Variants in MOK observed in about 807,000 individuals in gnomAD.
MOK encodes the protein MOK protein kinase, also known as MAPK/MAK/MRK overlapping kinase.
In MOK, 59 loss-of-function variants were observed where a neutral mutation model predicts 54.2. The observed-to-expected ratio is 1.09, with a 90% CI of 0.88 to 1.35. MOK has a LOEUF of 1.35. Among genes scored for constraint, MOK ranks in the 40% most tolerant of loss-of-function variants. The pLI is 0.00. For missense variants in MOK, 517 were observed against 526.2 expected (o/e 0.98, Z 0.17); for synonymous variants, 210 against 202.7 (o/e 1.04, Z -0.31).
At chr14:102,269,354 T>C (rs1028216363) in intron 2 of MOK, among the ~76,000 whole-genome samples, 16 of 151,722 alleles carry the variant, frequency 1.1e-4, no homozygotes, top group Non-Finnish European at 2.4e-4. Flanking sequence ...CCCAGGCTAT[T>C]TTTGTATTTT....
chr14:102,232,351 G>A lies in MOK; in HGVS notation c.866+184C>T. The A allele has an allele frequency of 1.8e-6, 1 of 569,892 alleles. No homozygotes were observed. The highest frequency in any genetic ancestry group is 3.4e-5 in the Admixed American group (1 of 29,140). 35.3% of individuals were successfully genotyped at this position (569,892 alleles called of 1,614,324 possible). ...GGAGCTGCTAACATCCTCATTTTGGGGAGGATACACCAGAAGGCAGCACGG... is the reference window on the plus strand; with the variant it reads ...GGAGCTGCTAACATCCTCATTTTGGAGAGGATACACCAGAAGGCAGCACGG... On this transcript the variant is annotated intron_variant, in intron 9 of 11. Coordinates refer to ENST00000361847, the MANE Select transcript of MOK (RefSeq NM_014226.3). This position sits in a 1 kb window ranked among gnomAD's most constrained non-coding sequence, Gnocchi z 5.1.
In MOK at chr14:102,238,640, C is replaced by A. The variant is rs1358129370; in HGVS notation, c.591-4851G>T. Among the ~76,000 whole-genome samples the A allele has an allele frequency of 5.3e-5, 8 of 152,242 alleles. No individual in the cohort carries two copies. The East Asian group carries it at 1.4e-3, about 26-fold the overall frequency. ...CACTGAAAAAGCCTCATTACTATAA[C>A]AAGGAGCCTTCCTCCAGGGGGACTG... is the stretch of plus-strand genomic sequence containing the variant. On this transcript the variant is annotated intron_variant, in intron 7 of 11. Coordinates refer to ENST00000361847, the MANE Select transcript of MOK (RefSeq NM_014226.3). This position sits in a 1 kb window ranked among gnomAD's most constrained non-coding sequence, Gnocchi z 4.8.
chr14:102,301,733 T>G (rs979931633), intron 1 of MOK, among the ~76,000 whole-genome samples: 1 of 152,202 alleles, frequency 6.6e-6, no homozygotes, highest in African/African-American at 2.4e-5. Context: ...GAGTACATTT[T>G]AAGGTAGAAG....
intron 2 of MOK, among the ~76,000 whole-genome samples, chr14:102,277,946 A>G (rs2069037350): frequency 6.6e-6 from 1 of 152,138 alleles, no homozygotes; most frequent in East Asian, 1.9e-4. Context: ...TAAACCCCCA[A>G]TGGGATGATA....
At chr14:102,294,211 C>T (rs2071135873) in intron 1 of MOK, among the ~76,000 whole-genome samples, 1 of 151,080 alleles carries the variant, frequency 6.6e-6, no homozygotes, top group Non-Finnish European at 1.5e-5. Context: ...CTTTGGGAGG[C>T]CAAGGCGGGC....
intron 2 of MOK, among the ~76,000 whole-genome samples, chr14:102,267,274 A>G (rs568754974): frequency 1.3e-5 from 2 of 152,312 alleles, no homozygotes; most frequent in South Asian, 2.1e-4. Flanking sequence ...TTTAAAATCA[A>G]TATGGCTGAG....
At chr14:102,296,328 G>C (rs534955036) in intron 1 of MOK, among the ~76,000 whole-genome samples, 15 of 150,306 alleles carry the variant, frequency 1.0e-4, no homozygotes, top group African/African-American at 3.7e-4. Context: ...CATCCTACAA[G>C]CTACAATACA....
At chr14:102,251,352 G>C (rs1214463343) in intron 6 of MOK, 5 of 389,176 alleles carry the variant, frequency 1.3e-5, no homozygotes, top group African/African-American at 2.1e-5. Flanking sequence ...CAGCCTCAGA[G>C]GACTCTGCTG....
At chr14:102,254,744 C>CT (rs2066794367) in intron 4 of MOK, among the ~76,000 whole-genome samples, 1 of 152,202 alleles carries the variant, frequency 6.6e-6, no homozygotes, top group Non-Finnish European at 1.5e-5. Context: ...GGTGCAGCTA[C>CT]TAGTCTTGGG....
downstream of MOK, among the ~76,000 whole-genome samples, chr14:102,228,455 G>C (rs2064340775): frequency 6.6e-6 from 1 of 152,168 alleles, no homozygotes; most frequent in South Asian, 2.1e-4. Context: ...CCAGCACTTT[G>C]GGAGGCCGAG....
At chr14:102,222,989 G>A (rs374969984), downstream of MOK, 107 of 1,377,444 alleles carry the variant, frequency 7.8e-5, no homozygotes, top group Non-Finnish European at 8.2e-5. The surrounding 1 kb of genome is among the most constrained non-coding windows in gnomAD (Gnocchi z 4.4). Flanking sequence ...GACCTCAGGC[G>A]GTGGACGTCG....
At chr14:102,302,475 G>A (rs2072338924) in intron 1 of MOK, among the ~76,000 whole-genome samples, 1 of 151,554 alleles carries the variant, frequency 6.6e-6, no homozygotes, top group Non-Finnish European at 1.5e-5. Context: ...CAGTACAGTG[G>A]CCCGATCTCA....
At chr14:102,224,707 A>AGTT (rs2064170750), downstream of MOK, 2 of 456,058 alleles carry the variant, frequency 4.4e-6, no homozygotes, top group Non-Finnish European at 8.8e-6. Context: ...AGGAGACATT[A>AGTT]GTTACAGCTT....
Position 102,231,776 on chromosome 14 carries a change from A to C in MOK, c.912T>G (p.Phe304Leu). Residue 304 changes from phenylalanine (F) to leucine (L), a missense_variant, in exon 10 of 12, where the codon TTT becomes TTG. Phe to Leu is a conservative substitution (Grantham distance 22, BLOSUM62 0). Coordinates refer to ENST00000361847, the MANE Select transcript of MOK (RefSeq NM_014226.3). The surrounding 1 kb of genome is among the most constrained non-coding windows in gnomAD (Gnocchi z 4.4). ...RALGSHRKAG[F>L]PEHPVAPEPL... Reference sequence around the variant, plus strand: ...GTTCCGGTGCCACAGGGTGCTCCGGAAAGCCAGCTTTTCTGTGGCTGCCCA... The same window carrying C: ...GTTCCGGTGCCACAGGGTGCTCCGGCAAGCCAGCTTTTCTGTGGCTGCCCA... 1.2e-6 allele frequency: 2 copies of C among 1,612,610 alleles called. No individual in the cohort carries two copies. The highest frequency in any genetic ancestry group is 1.7e-6 in the Non-Finnish European group (2 of 1,179,514).
At chr14:102,303,086 G>A (rs926896292) in intron 1 of MOK, among the ~76,000 whole-genome samples, 6 of 151,656 alleles carry the variant, frequency 4.0e-5, no homozygotes, top group Non-Finnish European at 7.4e-5. Flanking sequence ...ACTTGAACCC[G>A]GGAGGCAGAG....
intron 1 of MOK, among the ~76,000 whole-genome samples, chr14:102,299,645 G>C (rs1436980122): frequency 1.3e-5 from 2 of 152,104 alleles, no homozygotes; most frequent in Non-Finnish European, 2.9e-5. Context: ...GAGAGCAGTG[G>C]TGTGATCCCA....
chr14:102,268,751 T>C lies in MOK; in HGVS notation c.123-2839A>G, dbSNP rs188648170. Among the ~76,000 whole-genome samples, 401 of 151,992 alleles carry C rather than the reference T, an allele frequency of 2.6e-3. 4 individuals carry two copies. Among genetic ancestry groups the C allele is most frequent in the African/African-American group, 9.1e-3 (377 of 41,464 alleles). ...TAACACAGTGAAACCCCGTCTCTAC[T>C]AAAAAATACAAAAAATTAGCCGGGA... is the stretch of plus-strand genomic sequence containing the variant. On this transcript the variant is annotated intron_variant, in intron 2 of 11. Transcript: ENST00000361847.
chr14:102,292,684 T>C (rs2153185846), intron 1 of MOK, among the ~76,000 whole-genome samples: 1 of 151,356 alleles, frequency 6.6e-6, no homozygotes, highest in South Asian at 2.1e-4. Flanking sequence ...CATAAAGCCA[T>C]AAACCTCTTA....
chr14:102,229,646 T>C lies in MOK; in HGVS notation c.993A>G (p.Leu331=). ...TCTTGGGACGGTCCTCCTCTTGCTT[T>C]AGGGACTGTTTCTTGAAACAGAACA... ...SKEGRKQKQS[L]KQEEDRPKRR... The change falls in exon 11 of 12, where the codon CTA becomes CTG. Residue 331 remains leucine (L), a synonymous_variant. Transcript: ENST00000361847. 1 of 1,609,332 alleles carries C rather than the reference T, an allele frequency of 6.2e-7. No homozygotes were observed. Among genetic ancestry groups the C allele is most frequent in the Non-Finnish European group, 8.5e-7 (1 of 1,177,058 alleles).
Sources: allele counts gnomAD v4.1 joint callset (sites outside exome capture counted in the v4.1 genomes callset), GRCh38; gene constraint gnomAD v4.1.1; non-coding constraint Gnocchi (gnomAD v3.1); transcripts MANE v1.5; gene names NCBI Gene and HGNC (gene_info 2026-07-23, HGNC 2026-07-21).